Variants in FAM13B observed in about 807,000 individuals in gnomAD.
FAM13B encodes protein FAM13B.
A neutral mutation model predicts 117.3 loss-of-function variants in FAM13B; 60 were observed. That is an observed-to-expected ratio of 0.51 (90% confidence interval 0.42 to 0.63). FAM13B has a LOEUF of 0.63. FAM13B is among the 30% of genes least tolerant of loss of function. The pLI, the probability that FAM13B is intolerant of heterozygous loss-of-function variation, is 0.00. For missense variants in FAM13B, 972 were observed against 1,091.9 expected (o/e 0.89, Z 1.55); for synonymous variants, 332 against 356.1 (o/e 0.93, Z 0.76).
At chr5:138,012,720 T>G (rs1784352826) in intron 4 of FAM13B, among the ~76,000 whole-genome samples, 1 of 152,204 alleles carries the variant, frequency 6.6e-6, no homozygotes, top group African/African-American at 2.4e-5. Context: ...TGAAGTGATT[T>G]ATTGTGCTAC....
intron 6 of FAM13B, among the ~76,000 whole-genome samples, chr5:138,009,678 G>A (rs904423235): frequency 2.0e-5 from 3 of 151,564 alleles, no homozygotes; most frequent in Non-Finnish European, 4.4e-5. Context: ...GGTGGCGAGC[G>A]CCTGTCATCC....
rs1222964476 is a variant in FAM13B, at chr5:138,032,912, A to G, written c.-333T>C. 2.0e-6 allele frequency: 2 copies of G among 985,492 alleles called. No homozygotes were observed. Among genetic ancestry groups the G allele is most frequent in the Non-Finnish European group, 2.4e-6 (2 of 830,016 alleles). The allele number at this position is 985,492 out of a possible 1,614,324, so 61.0% of individuals were successfully genotyped here. A position where few individuals can be genotyped will look rare whatever the true frequency, so the allele number is the denominator to read the frequency against. The stretch of plus-strand genomic sequence containing the variant: ...AAGCCTCTTCCTGGGGCGGCCGCTG[A>G]CGGGAGGTTAAAGCTACGGCTGTGG... On this transcript the variant is annotated 5_prime_UTR_variant, in exon 1 of 24. Coordinates refer to ENST00000689681, the MANE Select transcript of FAM13B (RefSeq NM_001385994.1).
intron 7 of FAM13B, among the ~76,000 whole-genome samples, chr5:137,993,843 T>C (rs140116752): frequency 1.3e-5 from 2 of 152,112 alleles, no homozygotes; most frequent in East Asian, 3.9e-4. Flanking sequence ...TTTAAAAAGG[T>C]AGATTCCAAG....
chr5:138,001,309 C>A (rs753039640), intron 7 of FAM13B, among the ~76,000 whole-genome samples: 2 of 152,178 alleles, frequency 1.3e-5, no homozygotes, highest in Non-Finnish European at 2.9e-5. Flanking sequence ...AAAGTTCAAT[C>A]TCCAGTTTCA....
At chr5:137,962,975 T>G (rs10036824) in intron 10 of FAM13B, among the ~76,000 whole-genome samples, 1 of 151,900 alleles carries the variant, frequency 6.6e-6, no homozygotes, top group Non-Finnish European at 1.5e-5. Flanking sequence ...CTCATCCCTA[T>G]TCCCCCCCAA....
At chr5:137,986,279 C>T (rs1420660691) in intron 9 of FAM13B, among the ~76,000 whole-genome samples, 1 of 151,958 alleles carries the variant, frequency 6.6e-6, no homozygotes, top group Non-Finnish European at 1.5e-5. Context: ...GTTTTCACAT[C>T]CATTTACATT....
At chr5:137,987,364 T>G (rs923134089) in intron 9 of FAM13B, 97 bp downstream of exon 9, 8 of 1,148,020 alleles carry the variant, frequency 7.0e-6, no homozygotes, top group Non-Finnish European at 9.6e-6. Context: ...TTCAGAAATC[T>G]CCAAGAAAGA....
At chr5:137,949,235 C>A in intron 17 of FAM13B, 51 bp from the exon 18 acceptor site, 1 of 1,452,050 alleles carries the variant, frequency 6.9e-7, no homozygotes, top group Non-Finnish European at 9.7e-7. Flanking sequence ...TTAGCTTTGA[C>A]CGGGTCAAAG....
At chr5:138,037,753 G>T (rs545309544), upstream of FAM13B, among the ~76,000 whole-genome samples, 60 of 152,248 alleles carry the variant, frequency 3.9e-4, 1 homozygote, top group Middle Eastern at 3.4e-3. Context: ...GTTCAGTCAA[G>T]GCTGCCTTGT....
At chr5:138,006,325 C>T (rs1039587628) in intron 7 of FAM13B, among the ~76,000 whole-genome samples, 2 of 152,062 alleles carry the variant, frequency 1.3e-5, no homozygotes, top group Non-Finnish European at 2.9e-5. Context: ...TTACGGAGAA[C>T]GAGCATAGAA....
chr5:137,966,459 TTATATATA>T lies in FAM13B; in HGVS notation c.1180-3998_1180-3991del, dbSNP rs373885448. Reference sequence around the variant, plus strand: ...AAAAAAAAAAAGAAAGAAATAGATTTTATATATATATATATATATATATATATATAGAG... The same window carrying T: ...AAAAAAAAAAAGAAAGAAATAGATTTTATATATATATATATATATATAGAG... On this transcript the variant is annotated intron_variant, in intron 10 of 23. Coordinates refer to ENST00000689681, the MANE Select transcript of FAM13B (RefSeq NM_001385994.1). 8.6e-3 allele frequency among the ~76,000 whole-genome samples: 434 copies of T among 50,256 alleles called. 6 individuals are homozygous for T. Among genetic ancestry groups the T allele is most frequent in the African/African-American group, 0.021 (273 of 12,916 alleles). The allele number at this position is 50,256 out of a possible 152,430, so 33.0% of individuals were successfully genotyped here. A position where few individuals can be genotyped will look rare whatever the true frequency, so the allele number is the denominator to read the frequency against.
In FAM13B at chr5:138,019,162, C is replaced by CAA. The variant is rs57706343; in HGVS notation, c.-35-18_-35-17dup. The CAA allele has an allele frequency of 9.9e-4, 1,484 of 1,499,108 alleles. No homozygotes were observed. Among genetic ancestry groups the CAA allele is most frequent in the African/African-American group, 2.8e-3 (200 of 70,794 alleles). The allele number at this position is 1,499,108 out of a possible 1,614,324, so 92.9% of individuals were successfully genotyped here. Reference sequence around the variant, plus strand: ...GCTGTCTTTTCTGCCAAATGAAAGACAAAAAAAAAAGACTATAATGATTAA... The same window carrying CAA: ...GCTGTCTTTTCTGCCAAATGAAAGACAAAAAAAAAAAAGACTATAATGATTAA... On this transcript the variant is annotated splice_polypyrimidine_tract_variant and intron_variant, in intron 2 of 23. Transcript: ENST00000689681.
At chr5:137,993,617 C>T (rs1017774886) in intron 7 of FAM13B, among the ~76,000 whole-genome samples, 1 of 150,878 alleles carries the variant, frequency 6.6e-6, no homozygotes, top group Non-Finnish European at 1.5e-5. Flanking sequence ...CTCGTATCTA[C>T]TAAAAAAAAA....
intron 20 of FAM13B, among the ~76,000 whole-genome samples, chr5:137,944,187 CTAT>C (rs1244559159): frequency 1.3e-5 from 2 of 152,164 alleles, no homozygotes; most frequent in Non-Finnish European, 1.5e-5. Context: ...GTTGTGGCAT[CTAT>C]TATTATTTCA....
chr5:138,024,834 G>A (rs1311464918), intron 1 of FAM13B, among the ~76,000 whole-genome samples: 4 of 135,094 alleles, frequency 3.0e-5, no homozygotes, highest in African/African-American at 8.3e-5. Flanking sequence ...GAGAGAGAGA[G>A]AAAGAGAGAG....
At chr5:137,979,612 C>G (rs1369569127) in intron 10 of FAM13B, among the ~76,000 whole-genome samples, 1 of 152,130 alleles carries the variant, frequency 6.6e-6, no homozygotes, top group Non-Finnish European at 1.5e-5. Flanking sequence ...CTACAAGTAG[C>G]TCTGTTTCAT....
intron 11 of FAM13B, 108 bp from the exon 12 acceptor site, chr5:137,960,322 T>C (rs1470654782): frequency 5.0e-6 from 3 of 602,632 alleles, no homozygotes; most frequent in African/African-American, 2.0e-5. Context: ...GCATTTACAA[T>C]GTGCGAGGAG....
At chr5:137,951,677 T>C (rs1412395605) in intron 17 of FAM13B, among the ~76,000 whole-genome samples, 1 of 151,932 alleles carries the variant, frequency 6.6e-6, no homozygotes, top group Non-Finnish European at 1.5e-5. Flanking sequence ...AAAAAATATA[T>C]ATTTTTTTAT....
rs1211491713 is a variant in FAM13B, at chr5:138,006,934, G to C, written c.848+56C>G. On this transcript the variant is annotated intron_variant, in intron 7 of 23. Coordinates refer to ENST00000689681, the MANE Select transcript of FAM13B (RefSeq NM_001385994.1). ...TTTGTGTTTCTGAATGCTGGAGTGA[G>C]TTTACACTTAGAATGAAATACTCAA... 3 of 1,506,558 alleles carry C rather than the reference G, an allele frequency of 2.0e-6. No individual in the cohort carries two copies. The Admixed American group carries it at 6.6e-5, about 33-fold the overall frequency. The allele number at this position is 1,506,558 out of a possible 1,614,324, so 93.3% of individuals were successfully genotyped here.
Sources: allele counts gnomAD v4.1 joint callset (sites outside exome capture counted in the v4.1 genomes callset), GRCh38; gene constraint gnomAD v4.1.1; transcripts MANE v1.5; gene names NCBI Gene and HGNC (gene_info 2026-07-23, HGNC 2026-07-21).